Variants in MACROD2 observed in about 807,000 individuals in gnomAD.
The protein encoded by MACROD2 is mono-ADP ribosylhydrolase 2.
A neutral mutation model predicts 70.4 loss-of-function variants in MACROD2; 36 were observed. The observed-to-expected ratio is 0.51, with a 90% CI of 0.39 to 0.68. The LOEUF is 0.68. Among genes scored for constraint, MACROD2 ranks in the 30% least tolerant of loss-of-function variants. The pLI is 0.00. For missense variants in MACROD2, 496 were observed against 538.4 expected (o/e 0.92, Z 0.78); for synonymous variants, 172 against 178.8 (o/e 0.96, Z 0.30).
intron 3 of MACROD2, among the ~76,000 whole-genome samples, chr20:14,389,736 T>C (rs1489551761): frequency 6.6e-6 from 1 of 152,158 alleles, no homozygotes; most frequent in Non-Finnish European, 1.5e-5. Context: ...TGTTAAATTT[T>C]AACCATAAGC....
chr20:15,150,083 C>T (rs577731443), intron 5 of MACROD2, among the ~76,000 whole-genome samples: 2 of 152,128 alleles, frequency 1.3e-5, no homozygotes, highest in African/African-American at 2.4e-5. Flanking sequence ...ATCAGTTGGA[C>T]ACTATCGGCA....
At chr20:15,626,982 AAG>A (rs1568937550) in intron 8 of MACROD2, among the ~76,000 whole-genome samples, 3 of 152,144 alleles carry the variant, frequency 2.0e-5, no homozygotes, top group Admixed American at 1.3e-4. Flanking sequence ...AAGAGAGAAG[AAG>A]AGAGAGAGAT....
chr20:14,018,539 G>C (rs563701866), intron 2 of MACROD2, among the ~76,000 whole-genome samples: 54 of 151,898 alleles, frequency 3.6e-4, no homozygotes, highest in Middle Eastern at 3.4e-3. Context: ...ATATCTTTTA[G>C]TTTTCCTTCT....
At chr20:14,516,662 T>C (rs2085103494) in intron 4 of MACROD2, among the ~76,000 whole-genome samples, 1 of 152,288 alleles carries the variant, frequency 6.6e-6, no homozygotes, top group Admixed American at 6.5e-5. Context: ...TTGGTCTATA[T>C]ATCTGTTTTG....
At chr20:15,678,594 C>T (rs538603870) in intron 8 of MACROD2, among the ~76,000 whole-genome samples, 51 of 152,158 alleles carry the variant, frequency 3.4e-4, no homozygotes, top group South Asian at 2.1e-3. Context: ...CTCCTGACCT[C>T]GTGATCCGCC....
At chr20:15,955,276 C>T (rs1423720649) in intron 12 of MACROD2, among the ~76,000 whole-genome samples, 1 of 152,138 alleles carries the variant, frequency 6.6e-6, no homozygotes, top group Non-Finnish European at 1.5e-5. Flanking sequence ...TCGTTGCTGA[C>T]ACACAGTCCT....
At position 15,480,750 on chromosome 20, in the gene MACROD2, T is replaced by G. The variant is rs144560493; in HGVS notation, c.572-19024T>G. Among the ~76,000 whole-genome samples, 15 of 152,214 alleles carry G rather than the reference T, an allele frequency of 9.9e-5. No homozygotes were observed. The East Asian group carries it at 2.7e-3, about 28-fold the overall frequency. On this transcript the variant is annotated intron_variant, in intron 7 of 17. Transcript: ENST00000684519. The stretch of plus-strand genomic sequence containing the variant: ...TCCTTCATTTCCCCATGCCACTCCC[T>G]TTTTTCCCCACCTGGCTATCCTTCC...
intron 5 of MACROD2, among the ~76,000 whole-genome samples, chr20:14,768,685 C>T (rs746726972): frequency 5.3e-5 from 8 of 150,978 alleles, no homozygotes; most frequent in East Asian, 3.9e-4. Flanking sequence ...GGTGTGATCT[C>T]GGCTCACTGC....
intron 4 of MACROD2, among the ~76,000 whole-genome samples, chr20:14,496,160 A>G (rs2084850595): frequency 6.6e-6 from 1 of 152,212 alleles, no homozygotes. Flanking sequence ...AAGCGATTGA[A>G]TTGATGTAAT....
At position 14,886,201 on chromosome 20, in the gene MACROD2, G is replaced by A. The variant is rs1033656501; in HGVS notation, c.418+201242G>A. Among the ~76,000 whole-genome samples the A allele has an allele frequency of 2.5e-4, 38 of 152,120 alleles. 1 individual carries two copies. The highest frequency in any genetic ancestry group is 7.9e-4 in the African/African-American group (33 of 41,522). On this transcript the variant is annotated intron_variant, in intron 5 of 17. Coordinates refer to ENST00000684519, the MANE Select transcript of MACROD2 (RefSeq NM_001351661.2). The stretch of plus-strand genomic sequence containing the variant: ...AAGTCAAGGCTTGATTGAAGTGAGG[G>A]GTCTAGCTATGAGGCTGTCTGGGAG...
intron 4 of MACROD2, among the ~76,000 whole-genome samples, chr20:14,590,291 G>T (rs926727454): frequency 2.6e-5 from 4 of 152,110 alleles, no homozygotes; most frequent in African/African-American, 9.7e-5. Flanking sequence ...AGAGGAAAGA[G>T]ATCATAGGTA....
At chr20:15,102,963 T>C (rs901112786) in intron 5 of MACROD2, among the ~76,000 whole-genome samples, 1 of 152,140 alleles carries the variant, frequency 6.6e-6, no homozygotes, top group Non-Finnish European at 1.5e-5. Context: ...TATGATGCCT[T>C]TATAAAATGT....
At chr20:15,140,055 A>C (rs1404235922) in intron 5 of MACROD2, among the ~76,000 whole-genome samples, 1 of 152,188 alleles carries the variant, frequency 6.6e-6, no homozygotes, top group Non-Finnish European at 1.5e-5. Context: ...TGTATAGAAA[A>C]ATGTGGGTGG....
chr20:14,585,793 A>G (rs1981335688), intron 4 of MACROD2, among the ~76,000 whole-genome samples: 1 of 152,172 alleles, frequency 6.6e-6, no homozygotes, highest in Non-Finnish European at 1.5e-5. Context: ...ATCTTGGTAG[A>G]TTAAAAGATT....
At chr20:14,671,273 A>C (rs185300328) in intron 4 of MACROD2, among the ~76,000 whole-genome samples, 1 of 152,168 alleles carries the variant, frequency 6.6e-6, no homozygotes, top group African/African-American at 2.4e-5. Flanking sequence ...TTTGTTTACT[A>C]TGAATTTAGC....
chr20:15,430,041 G>C (rs1395531962), intron 6 of MACROD2, among the ~76,000 whole-genome samples: 1 of 151,982 alleles, frequency 6.6e-6, no homozygotes, highest in Admixed American at 6.6e-5. Context: ...CTGTGACTGA[G>C]TTATTTCACT....
intron 8 of MACROD2, among the ~76,000 whole-genome samples, chr20:15,794,547 T>A (rs1477350474): frequency 1.3e-5 from 2 of 152,218 alleles, no homozygotes; most frequent in African/African-American, 4.8e-5. Flanking sequence ...AAGACCATTT[T>A]TTCTCCTTTC....
intron 3 of MACROD2, among the ~76,000 whole-genome samples, chr20:14,491,545 A>G (rs921528211): frequency 5.9e-5 from 9 of 152,234 alleles, no homozygotes; most frequent in African/African-American, 2.2e-4. Flanking sequence ...ATGAACACAC[A>G]GTTGACATAA....
At chr20:14,359,470 A>G (rs978209207) in intron 3 of MACROD2, among the ~76,000 whole-genome samples, 10 of 152,236 alleles carry the variant, frequency 6.6e-5, no homozygotes, top group Non-Finnish European at 5.9e-5. Flanking sequence ...TACTAGGTAT[A>G]TATCCAAAAG....
Sources: allele counts gnomAD v4.1 joint callset (sites outside exome capture counted in the v4.1 genomes callset), GRCh38; gene constraint gnomAD v4.1.1; transcripts MANE v1.5; gene names NCBI Gene and HGNC (gene_info 2026-07-23, HGNC 2026-07-21).